Variants in TYW1 observed in about 807,000 individuals in gnomAD.
TYW1 encodes S-adenosyl-L-methionine-dependent tRNA 4-demethylwyosine synthase TYW1.
In TYW1, 46 loss-of-function variants were observed where a neutral mutation model predicts 96.2. That is an observed-to-expected ratio of 0.48 (90% CI 0.38 to 0.61). The LOEUF (loss-of-function observed/expected upper bound fraction) is 0.61. Among genes scored for constraint, TYW1 ranks in the 20% least tolerant of loss-of-function variants. TYW1 has a pLI of 0.00. For synonymous variants in TYW1, 274 were observed against 323.0 expected, an observed-to-expected ratio of 0.85 and a Z score of 1.63; for missense variants, 684 against 909.6, an observed-to-expected ratio of 0.75 and a Z score of 3.19.
intron 7 of TYW1, among the ~76,000 whole-genome samples, chr7:67,039,227 C>T (rs1211531295): frequency 2.6e-5 from 4 of 152,038 alleles, no homozygotes; most frequent in African/African-American, 4.8e-5. Flanking sequence ...GAGGCTGAGA[C>T]GGGCAGATCA....
chr7:67,061,534 T>C (rs1037206248), intron 9 of TYW1, among the ~76,000 whole-genome samples: 1 of 152,218 alleles, frequency 6.6e-6, no homozygotes, highest in Admixed American at 6.5e-5. Context: ...TAAGGATCTT[T>C]GGCCTTCCAG....
chr7:67,099,615 A>AAGC (rs1797026671), intron 12 of TYW1, among the ~76,000 whole-genome samples: 1 of 152,188 alleles, frequency 6.6e-6, no homozygotes, highest in Admixed American at 6.5e-5. Context: ...GGGAGACAAG[A>AAGC]AGCAGCAGGA....
chr7:67,195,175 T>C lies in TYW1; in HGVS notation c.1815T>C (p.Val605=), dbSNP rs200797155. 1.0e-4 allele frequency: 164 copies of C among 1,613,836 alleles called. No individual in the cohort carries two copies. The highest frequency in any genetic ancestry group is 2.7e-4 in the Admixed American group (16 of 59,978). Residue 605 remains valine, a synonymous_variant, in exon 15 of 16, where the codon GTT becomes GTC. Transcript: ENST00000359626. ...TGGTTATACTGTTTCCACAGGGCGT[T>C]ACCTACTGCGGAGAAAGTTCAGCAA... The part of the protein sequence containing the change: ...GNPDFIEVKG[V]TYCGESSASS...
chr7:67,030,400 C>A (rs1794632339), intron 7 of TYW1, among the ~76,000 whole-genome samples: 1 of 151,790 alleles, frequency 6.6e-6, no homozygotes. Context: ...GAGGCTGAGG[C>A]AGGCGGATCA....
At chr7:67,099,131 TTCTCC>T (rs1797012475) in intron 12 of TYW1, among the ~76,000 whole-genome samples, 1 of 152,064 alleles carries the variant, frequency 6.6e-6, no homozygotes, top group East Asian at 1.9e-4. Context: ...GTTCAAGTGA[TTCTCC>T]TGTCTCAGCC....
At chr7:67,149,597 G>T (rs1798725277) in intron 13 of TYW1, among the ~76,000 whole-genome samples, 1 of 151,976 alleles carries the variant, frequency 6.6e-6, no homozygotes, top group Non-Finnish European at 1.5e-5. Flanking sequence ...TGTTAGAAAT[G>T]TTAAAAATCA....
chr7:67,067,614 C>G (rs914443598), intron 10 of TYW1, among the ~76,000 whole-genome samples: 1 of 152,132 alleles, frequency 6.6e-6, no homozygotes, highest in East Asian at 1.9e-4. Flanking sequence ...TGTAAACATC[C>G]ATTTGGACAG....
At chr7:67,079,347 T>C (rs1796310415) in intron 10 of TYW1, among the ~76,000 whole-genome samples, 1 of 152,122 alleles carries the variant, frequency 6.6e-6, no homozygotes, top group African/African-American at 2.4e-5. Flanking sequence ...AGGTTGTGTG[T>C]GTACAGGAAT....
chr7:67,068,548 C>G (rs1250089463), intron 10 of TYW1, among the ~76,000 whole-genome samples: 1 of 152,212 alleles, frequency 6.6e-6, no homozygotes, highest in African/African-American at 2.4e-5. Context: ...AGATACCAGT[C>G]TCTTCTAGTA....
At chr7:67,023,806 A>G (rs1272520638) in intron 6 of TYW1, among the ~76,000 whole-genome samples, 1 of 152,110 alleles carries the variant, frequency 6.6e-6, no homozygotes, top group Non-Finnish European at 1.5e-5. Flanking sequence ...AAACAAAAAA[A>G]TCTCTCTAAC....
chr7:67,149,636 G>A (rs1189973014), intron 13 of TYW1, among the ~76,000 whole-genome samples: 3 of 151,936 alleles, frequency 2.0e-5, no homozygotes. Flanking sequence ...AGCTCTTAGA[G>A]TTTGTTAGCT....
At chr7:67,054,240 G>T (rs1795443757) in intron 8 of TYW1, among the ~76,000 whole-genome samples, 1 of 151,838 alleles carries the variant, frequency 6.6e-6, no homozygotes, top group South Asian at 2.1e-4. Context: ...TTTGTGCTGT[G>T]GTCAACTACA....
At chr7:67,214,291 G>T (rs1204172069) in intron 15 of TYW1, among the ~76,000 whole-genome samples, 1 of 152,054 alleles carries the variant, frequency 6.6e-6, no homozygotes, top group Non-Finnish European at 1.5e-5. Context: ...TCAAATTCCA[G>T]TTGTTCCTTG....
intron 15 of TYW1, among the ~76,000 whole-genome samples, chr7:67,211,804 A>G (rs574067928): frequency 6.6e-6 from 1 of 152,300 alleles, no homozygotes; most frequent in Admixed American, 6.5e-5. Context: ...CGCTATGTGC[A>G]GTTCCTTTTG....
At chr7:67,056,243 A>G (rs1302880858) in intron 9 of TYW1, among the ~76,000 whole-genome samples, 3 of 152,184 alleles carry the variant, frequency 2.0e-5, no homozygotes, top group East Asian at 1.9e-4. Flanking sequence ...CTGTAATCCT[A>G]GCACTTTCGG....
intron 13 of TYW1, among the ~76,000 whole-genome samples, chr7:67,119,900 T>G (rs60204091): frequency 0.28 from 42,022 of 151,894 alleles, 6,660 homozygotes; most frequent in African/African-American, 0.44. Context: ...CGGTCCTCCT[T>G]CCTCAGCCTT....
At chr7:67,198,564 GAAGATATA>G (rs1300753830) in intron 15 of TYW1, among the ~76,000 whole-genome samples, 2 of 148,640 alleles carry the variant, frequency 1.3e-5, no homozygotes, top group African/African-American at 5.0e-5. Context: ...AAAAAAAAAA[GAAGATATA>G]AAGTAAATAT....
intron 15 of TYW1, among the ~76,000 whole-genome samples, chr7:67,224,286 C>T (rs1299556068): frequency 3.9e-5 from 6 of 152,240 alleles, no homozygotes; most frequent in Admixed American, 1.3e-4. Flanking sequence ...CACCACCACA[C>T]GTGGCTAATT....
intron 13 of TYW1, among the ~76,000 whole-genome samples, chr7:67,124,566 C>G (rs1250470622): frequency 6.6e-6 from 1 of 152,116 alleles, no homozygotes; most frequent in Non-Finnish European, 1.5e-5. Flanking sequence ...TTGTGAACAA[C>G]TATGCCAACT....
Sources: gnomAD v4.1 joint callset for allele counts (sites outside exome capture counted in the v4.1 genomes callset) on GRCh38, gnomAD v4.1.1 for gene constraint, MANE v1.5 for transcripts, NCBI Gene and HGNC (gene_info 2026-07-23, HGNC 2026-07-21) for gene names.